The following MDGA2 variants were observed in gnomAD, a reference collection of about 807,000 sequenced individuals.
MDGA2 encodes the protein MAM domain containing glycosylphosphatidylinositol anchor 2, also known as MAM domain-containing glycosylphosphatidylinositol anchor protein 2.
In MDGA2, 40 loss-of-function variants were observed where a neutral mutation model predicts 117.8. The ratio of observed to expected loss-of-function variants is 0.34; its 90% confidence interval spans 0.26 to 0.44. MDGA2 has a LOEUF of 0.44. Ranked by LOEUF, MDGA2 falls within the 20% of genes least tolerant of loss-of-function variation. The pLI is 1.00. For missense variants in MDGA2, 1,123 were observed against 1,250.6 expected, an observed-to-expected ratio of 0.90 and a Z score of 1.54; for synonymous variants, 452 against 439.0, an observed-to-expected ratio of 1.03 and a Z score of -0.37.
chr14:47,362,633 A>G (rs1891149811), intron 1 of MDGA2, among the ~76,000 whole-genome samples: 2 of 152,186 alleles, frequency 1.3e-5, no homozygotes, highest in African/African-American at 4.8e-5. Flanking sequence ...TATTAGGTAA[A>G]AACTAAAAGT....
At chr14:47,633,709 T>G (rs1484329509) in intron 1 of MDGA2, among the ~76,000 whole-genome samples, 1 of 152,198 alleles carries the variant, frequency 6.6e-6, no homozygotes, top group Non-Finnish European at 1.5e-5. Context: ...GTGCGAAAGT[T>G]GCAGAATTCT....
intron 1 of MDGA2, among the ~76,000 whole-genome samples, chr14:47,589,137 T>C (rs1428092993): frequency 1.3e-5 from 2 of 151,992 alleles, no homozygotes; most frequent in Non-Finnish European, 1.5e-5. Context: ...TGTAAGATAA[T>C]TGCAGGCTTT....
At chr14:47,510,270 C>T (rs568705482) in intron 1 of MDGA2, among the ~76,000 whole-genome samples, 5 of 152,256 alleles carry the variant, frequency 3.3e-5, no homozygotes, top group South Asian at 2.1e-4. Context: ...ATATTAAAAC[C>T]TTGATTTCAA....
chr14:47,031,675 A>T (rs1403706804), intron 8 of MDGA2, among the ~76,000 whole-genome samples: 1 of 152,120 alleles, frequency 6.6e-6, no homozygotes, highest in Non-Finnish European at 1.5e-5. Flanking sequence ...GTGGTAGGTG[A>T]TTGGATCTTG....
intron 2 of MDGA2, among the ~76,000 whole-genome samples, chr14:47,271,282 C>G (rs1182967695): frequency 1.3e-5 from 2 of 152,030 alleles, no homozygotes; most frequent in Non-Finnish European, 2.9e-5. Context: ...ATTGAAAATC[C>G]CTAATGCAAT....
At chr14:47,671,859 C>T (rs1014974635) in intron 1 of MDGA2, among the ~76,000 whole-genome samples, 1 of 152,094 alleles carries the variant, frequency 6.6e-6, no homozygotes, top group Non-Finnish European at 1.5e-5. Flanking sequence ...AAAATGTTCT[C>T]TTCCTTATAA....
chr14:47,303,882 CAAA>C (rs1290205763), intron 1 of MDGA2, among the ~76,000 whole-genome samples: 1 of 152,008 alleles, frequency 6.6e-6, no homozygotes, highest in Non-Finnish European at 1.5e-5. Context: ...GTATATCTTT[CAAA>C]AACATCATTA....
At chr14:47,339,594 A>G (rs1206893893) in intron 1 of MDGA2, among the ~76,000 whole-genome samples, 1 of 152,116 alleles carries the variant, frequency 6.6e-6, no homozygotes, top group Non-Finnish European at 1.5e-5. Flanking sequence ...ATCACCTCCA[A>G]CTTGCTCATG....
At chr14:46,976,149 CACA>C (rs1406527096) in intron 8 of MDGA2, among the ~76,000 whole-genome samples, 1 of 152,000 alleles carries the variant, frequency 6.6e-6, no homozygotes, top group Non-Finnish European at 1.5e-5. Flanking sequence ...GTGTTGGATA[CACA>C]ACATTAGGAA....
intron 1 of MDGA2, among the ~76,000 whole-genome samples, chr14:47,505,103 A>T (rs936824836): frequency 2.0e-5 from 3 of 152,208 alleles, no homozygotes; most frequent in African/African-American, 7.2e-5. Context: ...AGCCAGACAC[A>T]GAAAAGCAAA....
chr14:47,116,256 G>A lies in MDGA2; in HGVS notation c.925+15458C>T, dbSNP rs183976066. ...AAACTACAAAACATTGGTGAAGGAG[G>A]TGAAACAGGGCACAAACAAATGAAA... On this transcript the variant is annotated intron_variant, in intron 5 of 16. Coordinates refer to ENST00000399232, the MANE Select transcript of MDGA2 (RefSeq NM_001113498.3). Among the ~76,000 whole-genome samples, 3 of 152,126 alleles carry A rather than the reference G, an allele frequency of 2.0e-5. No homozygotes were observed. In the East Asian group the frequency reaches 5.8e-4, roughly 29 times the overall value.
At chr14:47,081,391 ATATTT>A (rs1357678546) in intron 6 of MDGA2, among the ~76,000 whole-genome samples, 1 of 152,148 alleles carries the variant, frequency 6.6e-6, no homozygotes, top group Non-Finnish European at 1.5e-5. Context: ...CAATTAAGTA[ATATTT>A]TAAATATAAT....
At chr14:47,608,612 G>A (rs185974766) in intron 1 of MDGA2, among the ~76,000 whole-genome samples, 1 of 152,116 alleles carries the variant, frequency 6.6e-6, no homozygotes, top group Non-Finnish European at 1.5e-5. Flanking sequence ...GGCAACAAGG[G>A]CCTGATCATA....
intron 1 of MDGA2, among the ~76,000 whole-genome samples, chr14:47,604,868 C>T (rs1279563560): frequency 8.5e-5 from 13 of 152,116 alleles, no homozygotes; most frequent in Admixed American, 6.6e-5. Flanking sequence ...GGCTGAAATG[C>T]CACATAGAGA....
chr14:47,392,319 T>G (rs1891914664), intron 1 of MDGA2, among the ~76,000 whole-genome samples: 1 of 152,070 alleles, frequency 6.6e-6, no homozygotes, highest in Non-Finnish European at 1.5e-5. Context: ...GCATTTAAAG[T>G]GGTGGAAAAC....
chr14:47,535,424 C>G (rs1212918653), intron 1 of MDGA2, among the ~76,000 whole-genome samples: 1 of 152,196 alleles, frequency 6.6e-6, no homozygotes, highest in Non-Finnish European at 1.5e-5. Context: ...AATGTCATGT[C>G]TTATATTAGC....
At chr14:47,324,836 C>G (rs1162497427) in intron 1 of MDGA2, among the ~76,000 whole-genome samples, 1 of 149,298 alleles carries the variant, frequency 6.7e-6, no homozygotes, top group South Asian at 2.1e-4. Flanking sequence ...ATTGTATACA[C>G]AGAGAGAGAG....
chr14:47,566,353 C>G (rs1252758068), intron 1 of MDGA2, among the ~76,000 whole-genome samples: 1 of 152,178 alleles, frequency 6.6e-6, no homozygotes, highest in Non-Finnish European at 1.5e-5. Flanking sequence ...GAGAGGTCAG[C>G]AGACAGAAGC....
intron 1 of MDGA2, among the ~76,000 whole-genome samples, chr14:47,531,027 C>T (rs182471888): frequency 8.5e-5 from 13 of 152,198 alleles, no homozygotes; most frequent in Non-Finnish European, 1.3e-4. Context: ...GGGCGGATCA[C>T]AAGGTCAGGA....
Sources: allele counts gnomAD v4.1 joint callset (sites outside exome capture counted in the v4.1 genomes callset), GRCh38; gene constraint gnomAD v4.1.1; transcripts MANE v1.5; gene names NCBI Gene and HGNC (gene_info 2026-07-23, HGNC 2026-07-21).